Variants in NRXN1 observed in about 807,000 individuals in gnomAD.
The protein encoded by NRXN1 is neurexin 1.
NRXN1 carries 39 observed loss-of-function variants against 150.9 expected under a neutral mutation model. That is an observed-to-expected ratio of 0.26 (90% CI 0.20 to 0.34). The LOEUF (loss-of-function observed/expected upper bound fraction) is 0.34. Ranked by LOEUF, NRXN1 falls within the 10% of genes least tolerant of loss-of-function variation. The pLI, the probability that NRXN1 is intolerant of heterozygous loss-of-function variation, is 1.00. For synonymous variants in NRXN1, 924 were observed against 757.0 expected (o/e 1.22, Z -3.62); for missense variants, 1,815 against 1,949.9 (o/e 0.93, Z 1.30).
intron 5 of NRXN1, among the ~76,000 whole-genome samples, chr2:50,891,794 C>A (rs1681103514): frequency 6.6e-6 from 1 of 152,036 alleles, no homozygotes; most frequent in African/African-American, 2.4e-5. Flanking sequence ...TATACAGACA[C>A]AATTATATTT....
intron 22 of NRXN1, among the ~76,000 whole-genome samples, chr2:49,929,383 G>A (rs76983143): frequency 0.012 from 1,778 of 152,234 alleles, 21 homozygotes; most frequent in Middle Eastern, 0.02. Context: ...TATTCACTAT[G>A]TTGTAAACTA....
At chr2:51,004,462 G>A (rs1700453612) in intron 2 of NRXN1, among the ~76,000 whole-genome samples, 1 of 151,832 alleles carries the variant, frequency 6.6e-6, no homozygotes, top group Admixed American at 6.6e-5. Context: ...TAATTAAAAA[G>A]TTATGACCAT....
intron 18 of NRXN1, among the ~76,000 whole-genome samples, chr2:50,095,390 T>C (rs1700083219): frequency 6.6e-6 from 1 of 152,188 alleles, no homozygotes; most frequent in Non-Finnish European, 1.5e-5. Flanking sequence ...GGTTGCCCAT[T>C]GTTTTAGGGT....
intron 19 of NRXN1, among the ~76,000 whole-genome samples, chr2:50,059,900 C>G (rs1388667096): frequency 2.0e-5 from 3 of 152,170 alleles, no homozygotes; most frequent in African/African-American, 7.2e-5. Context: ...ACCTGAATGT[C>G]CAGGCAGAGG....
rs1259081165 is a variant in NRXN1, at chr2:50,237,512, T to C, written c.3365-542A>G. 2.0e-5 allele frequency among the ~76,000 whole-genome samples: 3 copies of C among 151,866 alleles called. No individual in the cohort carries two copies. In the East Asian group the frequency reaches 5.9e-4, roughly 30 times the overall value. On this transcript the variant is annotated intron_variant, in intron 17 of 22. Coordinates refer to ENST00000401669, the MANE Select transcript of NRXN1 (RefSeq NM_001330078.2). ...GAATAGCCACAAGCCCCAGTAGCCATGTCAAGAAAATACAGATAATAGATG... is the reference window on the plus strand; with the variant it reads ...GAATAGCCACAAGCCCCAGTAGCCACGTCAAGAAAATACAGATAATAGATG...
chr2:50,598,658 A>G (rs1225001625), intron 8 of NRXN1, among the ~76,000 whole-genome samples: 1 of 147,570 alleles, frequency 6.8e-6, no homozygotes, highest in Non-Finnish European at 1.5e-5. Context: ...ATCTATATAC[A>G]TATATATTCA....
chr2:50,218,915 T>C (rs910076851), intron 18 of NRXN1, among the ~76,000 whole-genome samples: 2 of 152,060 alleles, frequency 1.3e-5, no homozygotes, highest in Admixed American at 1.3e-4. Flanking sequence ...TTTTATTCCA[T>C]ATTGTTTAAA....
chr2:50,702,514 G>T (rs930495179), intron 5 of NRXN1, among the ~76,000 whole-genome samples: 1 of 151,808 alleles, frequency 6.6e-6, no homozygotes, highest in Non-Finnish European at 1.5e-5. Context: ...GAAGAACAGA[G>T]AAAATTTTCT....
intron 12 of NRXN1, among the ~76,000 whole-genome samples, chr2:50,523,130 A>C (rs370771373): frequency 2.0e-5 from 2 of 98,132 alleles, no homozygotes; most frequent in South Asian, 8.2e-4. Context: ...CATTCTTTAC[A>C]TTTTACATGC....
At position 51,027,792 on chromosome 2, in the gene NRXN1, T is replaced by G. The variant is rs1030768187; in HGVS notation, c.482A>C (p.Glu161Ala). The change falls in exon 2 of 23, where the codon GAA (glutamate) becomes GCA (alanine). Residue 161 changes from glutamate to alanine, a missense_variant. This residue lies in a region of NRXN1 where 554 missense variants were observed against 478.8 expected (regional missense o/e 1.16). Coordinates refer to ENST00000401669, the MANE Select transcript of NRXN1 (RefSeq NM_001330078.2). ...GAGCTTGAGCGCCGCGGCGCGCAGT[T>G]CCGGGGGCAGCCCCCCGACGAAAAG... ...SGLFVGGLPPELRAAALKLTL... is the reference protein window; with the variant it reads ...SGLFVGGLPPALRAAALKLTL... 1 of 1,612,838 alleles carries G rather than the reference T, an allele frequency of 6.2e-7. No individual in the cohort carries two copies.
At chr2:50,977,814 A>T (rs183543462) in intron 2 of NRXN1, among the ~76,000 whole-genome samples, 165 of 151,970 alleles carry the variant, frequency 1.1e-3, no homozygotes, top group African/African-American at 3.9e-3. Flanking sequence ...CATATCATAA[A>T]TGAGCATGCA....
At chr2:50,033,349 C>A (rs113021711) in intron 21 of NRXN1, among the ~76,000 whole-genome samples, 4,868 of 152,078 alleles carry the variant, frequency 0.032, 258 homozygotes, top group African/African-American at 0.11. Context: ...TGATCTTTAA[C>A]AAAGCTAACA....
chr2:50,199,868 A>C (rs2062037742), intron 18 of NRXN1, among the ~76,000 whole-genome samples: 1 of 152,160 alleles, frequency 6.6e-6, no homozygotes, highest in Non-Finnish European at 1.5e-5. Flanking sequence ...CAATTTCATA[A>C]AACAAAAGTG....
chr2:50,630,531 G>T (rs11691082), intron 5 of NRXN1, among the ~76,000 whole-genome samples: 1 of 151,194 alleles, frequency 6.6e-6, no homozygotes, highest in Non-Finnish European at 1.5e-5. Flanking sequence ...GGAAATTACC[G>T]TACATCTTAA....
chr2:50,194,638 T>C (rs890737850), intron 18 of NRXN1, among the ~76,000 whole-genome samples: 1 of 152,196 alleles, frequency 6.6e-6, no homozygotes, highest in African/African-American at 2.4e-5. Flanking sequence ...GTGTCATCTT[T>C]GCTCTATGAT....
intron 5 of NRXN1, among the ~76,000 whole-genome samples, chr2:50,699,671 C>T (rs973570971): frequency 6.6e-6 from 1 of 152,014 alleles, no homozygotes; most frequent in Non-Finnish European, 1.5e-5. Flanking sequence ...TCAAAAAACC[C>T]GAATGGCTTG....
intron 21 of NRXN1, among the ~76,000 whole-genome samples, chr2:49,990,677 A>G (rs1006252295): frequency 1.3e-5 from 2 of 152,126 alleles, no homozygotes; most frequent in African/African-American, 4.8e-5. Context: ...GAAAAGCAGG[A>G]AGAAATGAGT....
intron 12 of NRXN1, chr2:50,526,664 A>G (rs1356675019): frequency 2.0e-5 from 3 of 152,086 alleles, no homozygotes; most frequent in African/African-American, 7.2e-5. Flanking sequence ...CCTGCTCCCT[A>G]TTCCCCAAAT....
intron 5 of NRXN1, among the ~76,000 whole-genome samples, chr2:50,737,181 G>A (rs1343267675): frequency 3.3e-5 from 5 of 152,036 alleles, no homozygotes; most frequent in Non-Finnish European, 1.5e-5. Context: ...GACAACAAGA[G>A]CAAAACTCCA....
Sources: gnomAD v4.1 joint callset for allele counts (sites outside exome capture counted in the v4.1 genomes callset) on GRCh38, gnomAD v4.1.1 for gene constraint, gnomAD v4.1.1 regional missense constraint, MANE v1.5 for transcripts, NCBI Gene and HGNC (gene_info 2026-07-23, HGNC 2026-07-21) for gene names.